The following KALRN variants were observed in gnomAD, a reference collection of about 807,000 sequenced individuals.
KALRN encodes the protein kalirin.
In KALRN, 70 loss-of-function variants were observed where a neutral mutation model predicts 353.7. The ratio of observed to expected loss-of-function variants is 0.20; its 90% CI spans 0.16 to 0.24. The LOEUF (loss-of-function observed/expected upper bound fraction) is 0.24, where lower values mean the gene tolerates loss of function less well. Ranked by LOEUF, KALRN falls within the 10% of genes least tolerant of loss-of-function variation. The pLI, the probability that KALRN is intolerant of heterozygous loss-of-function variation, is 1.00. For synonymous variants in KALRN, 1,391 were observed against 1,434.8 expected (o/e 0.97, Z 0.69); for missense variants, 2,791 against 3,756.7 (o/e 0.74, Z 6.72).
chr3:124,087,622 A>G (rs563410790), intron 1 of KALRN, among the ~76,000 whole-genome samples: 13 of 152,194 alleles, frequency 8.5e-5, no homozygotes, highest in Non-Finnish European at 1.5e-4. Flanking sequence ...TATCATTCTC[A>G]TAATTGTGGG....
intron 1 of KALRN, among the ~76,000 whole-genome samples, chr3:124,212,304 A>G (rs1376650026): frequency 6.6e-6 from 1 of 151,968 alleles, no homozygotes; most frequent in African/African-American, 2.4e-5. Context: ...TCAAATCACT[A>G]TTTCAGAAGG....
At position 124,633,933 on chromosome 3, in the gene KALRN, G is replaced by C. The variant is rs575776197; in HGVS notation, c.5548G>C (p.Asp1850His). 6.8e-6 allele frequency: 11 copies of C among 1,613,704 alleles called. No individual in the cohort carries two copies. In the East Asian group the frequency reaches 2.5e-4, roughly 36 times the overall value. The stretch of plus-strand genomic sequence containing the variant: ...ACCACCTATGAAGATTTTTGACAAC[G>C]ACCCTACACAGGATGAAATGGTAGA... ...LPPPMKIFDN[D>H]PTQDEMSSSL... is the part of the protein sequence containing the mutation. Residue 1850 changes from aspartate to histidine, a missense_variant, in exon 36 of 60, where the codon GAC becomes CAC. By Grantham distance (81) the Asp-to-His change is moderately conservative. Coordinates refer to ENST00000682506, the MANE Select transcript of KALRN (RefSeq NM_001388419.1).
intron 6 of KALRN, among the ~76,000 whole-genome samples, chr3:124,323,415 G>A (rs1296683636): frequency 6.6e-6 from 1 of 152,168 alleles, no homozygotes; most frequent in Non-Finnish European, 1.5e-5. Context: ...GGGGGTGGAT[G>A]GGCAGGAATC....
rs2149932766 is a variant in KALRN, at chr3:124,153,753, A to G, written c.74-74237A>G. Among the ~76,000 whole-genome samples the G allele has an allele frequency of 2.0e-5, 3 of 151,756 alleles. No individual in the cohort carries two copies. The South Asian group carries it at 6.3e-4, about 32-fold the overall frequency. ...CCACCAACAGTGTAAAAGTGTTCCT[A>G]TTTCTCCACATCCTCTCCAGCACCT... is the stretch of plus-strand genomic sequence containing the variant. On this transcript the variant is annotated intron_variant, in intron 1 of 59. Transcript: ENST00000682506.
intron 13 of KALRN, chr3:124,410,063 A>G: frequency 2.7e-6 from 1 of 371,664 alleles, no homozygotes; most frequent in South Asian, 2.1e-5. Flanking sequence ...GGGTAAGGAG[A>G]GGAGATGAAA....
chr3:124,367,463 T>C (rs1263297120), intron 10 of KALRN, among the ~76,000 whole-genome samples: 2 of 76,580 alleles, frequency 2.6e-5, no homozygotes, highest in East Asian at 5.3e-4. Context: ...GGCGGGGGGC[T>C]GACCCCCCCA....
chr3:124,448,141 T>C (rs1199220352), intron 21 of KALRN, among the ~76,000 whole-genome samples: 1 of 152,202 alleles, frequency 6.6e-6, no homozygotes, highest in Non-Finnish European at 1.5e-5. Flanking sequence ...AATCTTTCCA[T>C]AATCAAAGTG....
At chr3:124,464,509 A>G (rs767560710) in intron 25 of KALRN, among the ~76,000 whole-genome samples, 1 of 152,304 alleles carries the variant, frequency 6.6e-6, no homozygotes, top group East Asian at 1.9e-4. Context: ...TTAAAAAATC[A>G]AATTAAACCA....
chr3:124,270,073 T>G (rs2073973205), intron 5 of KALRN, among the ~76,000 whole-genome samples: 1 of 152,226 alleles, frequency 6.6e-6, no homozygotes, highest in South Asian at 2.1e-4. Flanking sequence ...TTGCTGAGGA[T>G]ACAAAGGTAT....
At position 124,477,340 on chromosome 3, in the gene KALRN, C is replaced by T; in HGVS notation, c.4191+6C>T. ...ATGCGGGCACCTTCTTTGATGTAAGCTGTGTTTTCCATTCTTGAGCAGCTG... is the reference window on the plus strand; with the variant it reads ...ATGCGGGCACCTTCTTTGATGTAAGTTGTGTTTTCCATTCTTGAGCAGCTG... On this transcript the variant is annotated splice_donor_region_variant and intron_variant, in intron 27 of 59. Transcript: ENST00000682506. The T allele has an allele frequency of 6.2e-7, 1 of 1,606,492 alleles. No individual in the cohort carries two copies. The highest frequency in any genetic ancestry group is 2.2e-5 in the East Asian group (1 of 44,806).
intron 1 of KALRN, among the ~76,000 whole-genome samples, chr3:124,137,980 A>G (rs746136326): frequency 6.6e-5 from 10 of 152,170 alleles, no homozygotes; most frequent in Non-Finnish European, 1.3e-4. Flanking sequence ...TATAGAGAAC[A>G]AGGGAGGTCA....
At chr3:124,583,561 TTCTC>T (rs2074829238) in intron 34 of KALRN, among the ~76,000 whole-genome samples, 1 of 152,190 alleles carries the variant, frequency 6.6e-6, no homozygotes, top group Non-Finnish European at 1.5e-5. Context: ...TGTTCGAAGT[TTCTC>T]TGTAGGCATT....
chr3:124,485,161 T>A (rs1406575439), intron 28 of KALRN, among the ~76,000 whole-genome samples: 1 of 152,072 alleles, frequency 6.6e-6, no homozygotes, highest in African/African-American at 2.4e-5. Flanking sequence ...CTTAAAAAAA[T>A]TGATTTTTAT....
At chr3:124,502,311 G>GGTCCCTTCCAGAGCTCTGCA (rs1419430472) in intron 33 of KALRN, among the ~76,000 whole-genome samples, 1 of 152,136 alleles carries the variant, frequency 6.6e-6, no homozygotes, top group Non-Finnish European at 1.5e-5. Flanking sequence ...AGTGAAGGCT[G>GGTCCCTTCCAGAGCTCTGCA]GTCCCTTCCA....
intron 25 of KALRN, among the ~76,000 whole-genome samples, chr3:124,469,183 G>A (rs888255869): frequency 6.6e-6 from 1 of 152,218 alleles, no homozygotes; most frequent in African/African-American, 2.4e-5. Flanking sequence ...GAAGATATTG[G>A]CAAAAACATA....
At chr3:124,299,467 G>A (rs1398318906) in intron 6 of KALRN, among the ~76,000 whole-genome samples, 1 of 152,184 alleles carries the variant, frequency 6.6e-6, no homozygotes, top group African/African-American at 2.4e-5. Context: ...GCGGCAGGAT[G>A]TGGCTTGGAG....
At chr3:124,538,260 TTGTG>T (rs113800335) in intron 33 of KALRN, among the ~76,000 whole-genome samples, 3 of 149,962 alleles carry the variant, frequency 2.0e-5, no homozygotes, top group Admixed American at 1.3e-4. Flanking sequence ...GTGTGTGTGT[TTGTG>T]TGTGTGTGTG....
chr3:124,147,670 A>G (rs964639396), intron 1 of KALRN, among the ~76,000 whole-genome samples: 1 of 152,230 alleles, frequency 6.6e-6, no homozygotes, highest in Non-Finnish European at 1.5e-5. Flanking sequence ...GAAATAATCC[A>G]CAGACTCATC....
chr3:124,457,402 G>A (rs1052967986), intron 23 of KALRN, among the ~76,000 whole-genome samples: 6 of 152,222 alleles, frequency 3.9e-5, no homozygotes, highest in Admixed American at 3.3e-4. Flanking sequence ...CCCATCAATA[G>A]TGTCACTAAC....
Sources: allele counts gnomAD v4.1 joint callset (sites outside exome capture counted in the v4.1 genomes callset), GRCh38; gene constraint gnomAD v4.1.1; transcripts MANE v1.5; gene names NCBI Gene and HGNC (gene_info 2026-07-23, HGNC 2026-07-21).